Variants in ZHX2 observed in about 807,000 individuals in gnomAD.
The protein encoded by ZHX2 is zinc fingers and homeoboxes 2.
In ZHX2, 6 loss-of-function variants were observed where a neutral mutation model predicts 21.9. That is an observed-to-expected ratio of 0.27 (90% CI 0.15 to 0.54). ZHX2 has a LOEUF of 0.54. ZHX2 is among the 20% of genes least tolerant of loss of function. The probability of loss-of-function intolerance (pLI) is 0.95; values close to 1 mark genes in which losing one functional copy is unlikely to be tolerated. For synonymous variants in ZHX2, 434 were observed against 437.1 expected (o/e 0.99, Z 0.09); for missense variants, 908 against 1,090.7 (o/e 0.83, Z 2.36).
rs537346848 is a variant in ZHX2, at chr8:122,878,730, A to G, written c.-220+15191A>G. ...GTCAAAAGGCAGGAATACAGGGAAC[A>G]GTAAAGCACTGGGACTGTTATTACA... On this transcript the variant is annotated intron_variant, in intron 2 of 3. Coordinates refer to ENST00000314393, the MANE Select transcript of ZHX2 (RefSeq NM_014943.5). Among the ~76,000 whole-genome samples the G allele has an allele frequency of 1.1e-4, 17 of 152,304 alleles. No homozygotes were observed. In the East Asian group the frequency reaches 2.9e-3, roughly 26 times the overall value.
chr8:122,845,934 C>T (rs768798371), intron 1 of ZHX2, among the ~76,000 whole-genome samples: 5 of 152,164 alleles, frequency 3.3e-5, no homozygotes, highest in African/African-American at 9.7e-5. Flanking sequence ...AAAGTTTAAG[C>T]GGGAGAGCGC....
intron 1 of ZHX2, among the ~76,000 whole-genome samples, chr8:122,853,983 C>G (rs1225969942): frequency 6.6e-6 from 1 of 152,210 alleles, no homozygotes; most frequent in African/African-American, 2.4e-5. Context: ...CACGGGCCAC[C>G]AGCCTGAGGC....
chr8:122,853,343 G>T (rs1563754825), intron 1 of ZHX2, among the ~76,000 whole-genome samples: 1 of 152,164 alleles, frequency 6.6e-6, no homozygotes, highest in Non-Finnish European at 1.5e-5. Context: ...GATGCCCATT[G>T]TACAGATGAG....
chr8:122,809,614 C>G (rs1817886395), intron 1 of ZHX2, among the ~76,000 whole-genome samples: 1 of 152,166 alleles, frequency 6.6e-6, no homozygotes, highest in South Asian at 2.1e-4. Flanking sequence ...TTTAGTTATG[C>G]CCACTGTGAG....
intron 2 of ZHX2, among the ~76,000 whole-genome samples, chr8:122,884,222 G>A (rs759339420): frequency 1.1e-4 from 16 of 152,210 alleles, no homozygotes; most frequent in Non-Finnish European, 5.9e-5. Flanking sequence ...CACAGTACAC[G>A]TGGTCTGTCA....
At position 122,934,490 on chromosome 8, in the gene ZHX2, TG is replaced by T. The variant is rs544649197; in HGVS notation, c.-219-16801del. 4.6e-5 allele frequency among the ~76,000 whole-genome samples: 7 copies of T among 152,316 alleles called. No homozygotes were observed. In the South Asian group the frequency reaches 1.0e-3, roughly 23 times the overall value. Reference sequence around the variant, plus strand: ...AAATCTTGTGGTTGACCTTGACTAATGAATAGCGCAGGTTACCTCTAAAAGT... The same window carrying T: ...AAATCTTGTGGTTGACCTTGACTAATAATAGCGCAGGTTACCTCTAAAAGT... On this transcript the variant is annotated intron_variant, in intron 2 of 3. Transcript: ENST00000314393.
rs1432834940 is a variant in ZHX2, at chr8:122,921,947, T to TTTCTTCC, written c.-219-29344_-219-29343insTCTTCCT. 2.0e-5 allele frequency among the ~76,000 whole-genome samples: 3 copies of TTTCTTCC among 152,042 alleles called. No individual in the cohort carries two copies. The East Asian group carries it at 5.8e-4, about 29-fold the overall frequency. On this transcript the variant is annotated intron_variant, in intron 2 of 3. Transcript: ENST00000314393. ...TGTCATCAAAAGGATTAAAAGAGAA[T>TTTCTTCC]TGAAGAAAAAGAGCACTTCAGGAAG... is the stretch of plus-strand genomic sequence containing the variant.
chr8:122,849,402 C>T (rs559899551), intron 1 of ZHX2, among the ~76,000 whole-genome samples: 1 of 152,326 alleles, frequency 6.6e-6, no homozygotes, highest in Admixed American at 6.5e-5. Context: ...CAAATTAGTA[C>T]AAACTGGGTG....
At chr8:122,825,299 T>A (rs1208135271) in intron 1 of ZHX2, among the ~76,000 whole-genome samples, 1 of 152,172 alleles carries the variant, frequency 6.6e-6, no homozygotes, top group Admixed American at 6.5e-5. Context: ...ACTTGTCACA[T>A]TGCTTTATAG....
chr8:122,919,690 G>A (rs756187898), intron 2 of ZHX2, among the ~76,000 whole-genome samples: 12 of 152,126 alleles, frequency 7.9e-5, no homozygotes, highest in Non-Finnish European at 1.3e-4. Context: ...GAGGTGAATG[G>A]TAGCATCCCG....
intron 1 of ZHX2, among the ~76,000 whole-genome samples, chr8:122,792,744 G>C (rs1478514348): frequency 2.0e-5 from 3 of 152,158 alleles, no homozygotes; most frequent in Non-Finnish European, 4.4e-5. Flanking sequence ...CCTGGTCATT[G>C]GACTACCCAG....
intron 3 of ZHX2, among the ~76,000 whole-genome samples, chr8:122,956,183 C>T (rs535597198): frequency 3.3e-5 from 5 of 152,212 alleles, no homozygotes; most frequent in East Asian, 1.9e-4. Flanking sequence ...ATCCATGACA[C>T]GTGTCTACAT....
At position 122,848,195 on chromosome 8, in the gene ZHX2, C is replaced by T. The variant is rs138002352; in HGVS notation, c.-282-15282C>T. On this transcript the variant is annotated intron_variant, in intron 1 of 3. Transcript: ENST00000314393. Reference sequence around the variant, plus strand: ...GCCAAAGTGTGGGTTTGAGAGACAGCGAGTGTGTTGTTGCGTCTCTGTGTG... The same window carrying T: ...GCCAAAGTGTGGGTTTGAGAGACAGTGAGTGTGTTGTTGCGTCTCTGTGTG... Among the ~76,000 whole-genome samples, 424 of 152,184 alleles carry T rather than the reference C, an allele frequency of 2.8e-3. 1 individual carries two copies. Among genetic ancestry groups the T allele is most frequent in the African/African-American group, 9.3e-3 (385 of 41,512 alleles).
At position 122,782,416 on chromosome 8, in the gene ZHX2, A is replaced by C. The variant is rs2130500539; in HGVS notation, c.-283+470A>C. On this transcript the variant is annotated intron_variant, in intron 1 of 3. Transcript: ENST00000314393. The surrounding 1 kb of genome is among the most constrained non-coding windows in gnomAD (Gnocchi z 5.3). ...TTGGCCAAACTGCGGCGCTTTGTGC[A>C]AACGGGGCAGGTCCCGCGGGGACTC... is the stretch of plus-strand genomic sequence containing the variant. Among the ~76,000 whole-genome samples, 1 of 152,218 alleles carries C rather than the reference A, an allele frequency of 6.6e-6. No individual in the cohort carries two copies. Among genetic ancestry groups the C allele is most frequent in the African/African-American group, 2.4e-5 (1 of 41,556 alleles).
chr8:122,861,035 CAAAAAAAAAAAA>C (rs36046690), intron 1 of ZHX2, among the ~76,000 whole-genome samples: 4 of 66,774 alleles, frequency 6.0e-5, no homozygotes, highest in Admixed American at 1.8e-4. Context: ...GACTTCGTCT[CAAAAAAAAAAAA>C]AAAAAAAAAA....
At chr8:122,861,014 A>T in intron 1 of ZHX2, among the ~76,000 whole-genome samples, 1 of 138,668 alleles carries the variant, frequency 7.2e-6, no homozygotes. Flanking sequence ...TCCAGCCTGG[A>T]GACAGAGCAA....
intron 2 of ZHX2, among the ~76,000 whole-genome samples, chr8:122,883,120 C>T (rs769274554): frequency 3.3e-4 from 50 of 152,194 alleles, no homozygotes; most frequent in Non-Finnish European, 1.3e-4. Context: ...CCCTTCCCTT[C>T]CTCCCCACCC....
chr8:122,825,425 G>T (rs1196148333), intron 1 of ZHX2, among the ~76,000 whole-genome samples: 3 of 152,104 alleles, frequency 2.0e-5, no homozygotes, highest in Non-Finnish European at 1.5e-5. Flanking sequence ...GGTTGTTCTG[G>T]CTGCCTTGGC....
intron 1 of ZHX2, among the ~76,000 whole-genome samples, chr8:122,855,650 T>A (rs1448783138): frequency 6.6e-6 from 1 of 151,984 alleles, no homozygotes; most frequent in Non-Finnish European, 1.5e-5. Context: ...CACACACACA[T>A]TTTTTTCTTT....
Sources: allele counts gnomAD v4.1 joint callset (sites outside exome capture counted in the v4.1 genomes callset), GRCh38; gene constraint gnomAD v4.1.1; non-coding constraint Gnocchi (gnomAD v3.1); transcripts MANE v1.5; gene names NCBI Gene and HGNC (gene_info 2026-07-23, HGNC 2026-07-21).